The following AK5 variants were observed in gnomAD, a reference collection of about 807,000 sequenced individuals.
AK5 encodes the protein adenylate kinase isoenzyme 5.
A neutral mutation model predicts 69.5 loss-of-function variants in AK5; 27 were observed. The ratio of observed to expected loss-of-function variants is 0.39; its 90% confidence interval spans 0.29 to 0.54. The LOEUF (loss-of-function observed/expected upper bound fraction) is 0.54. Among genes scored for constraint, AK5 ranks in the 20% least tolerant of loss-of-function variants. The probability of loss-of-function intolerance (pLI) is 0.71; values close to 1 mark genes in which losing one functional copy is unlikely to be tolerated. For synonymous variants in AK5, 260 were observed against 244.4 expected (o/e 1.06, Z -0.60); for missense variants, 531 against 700.4 (o/e 0.76, Z 2.73).
At chr1:77,367,599 A>ATATTTATGTT (rs756398279) in intron 6 of AK5, among the ~76,000 whole-genome samples, 1 of 63,130 alleles carries the variant, frequency 1.6e-5, no homozygotes. Context: ...TTATATATGT[A>ATATTTATGTT]ATATATATGT....
intron 8 of AK5, among the ~76,000 whole-genome samples, chr1:77,418,666 TTTC>T (rs1232770018): frequency 6.6e-6 from 1 of 152,180 alleles, no homozygotes; most frequent in Non-Finnish European, 1.5e-5. Context: ...TGTCCAAAAC[TTTC>T]TTCCGCCTCT....
chr1:77,385,903 G>A (rs1647992309), intron 6 of AK5, among the ~76,000 whole-genome samples: 1 of 152,126 alleles, frequency 6.6e-6, no homozygotes, highest in Admixed American at 6.5e-5. Flanking sequence ...AGAAATAGCA[G>A]TCAAATATAT....
chr1:77,310,801 T>C (rs1659906647), intron 5 of AK5, among the ~76,000 whole-genome samples: 1 of 152,158 alleles, frequency 6.6e-6, no homozygotes, highest in Non-Finnish European at 1.5e-5. Context: ...ATTATGTATA[T>C]AGATTAATTT....
intron 10 of AK5, among the ~76,000 whole-genome samples, chr1:77,508,993 A>C (rs1019166162): frequency 1.3e-5 from 2 of 152,228 alleles, no homozygotes; most frequent in African/African-American, 4.8e-5. Flanking sequence ...CACTCATTTA[A>C]TTCAGCTTCT....
At chr1:77,534,822 G>A (rs778182045) in intron 12 of AK5, among the ~76,000 whole-genome samples, 36 of 152,248 alleles carry the variant, frequency 2.4e-4, no homozygotes, top group Non-Finnish European at 4.6e-4. Context: ...GCATCAGAGC[G>A]AGACCCCATC....
intron 10 of AK5, among the ~76,000 whole-genome samples, chr1:77,515,625 G>T (rs1447415143): frequency 1.3e-5 from 2 of 152,200 alleles, no homozygotes; most frequent in Non-Finnish European, 2.9e-5. Context: ...GAGTAAGACA[G>T]GCAGGGAGCA....
chr1:77,464,167 G>C (rs1031551591), intron 8 of AK5, among the ~76,000 whole-genome samples: 1 of 152,186 alleles, frequency 6.6e-6, no homozygotes, highest in African/African-American at 2.4e-5. Context: ...AATTTGAATG[G>C]TAAGACAGTT....
chr1:77,358,650 T>C (rs1371746353), intron 6 of AK5, among the ~76,000 whole-genome samples: 1 of 152,168 alleles, frequency 6.6e-6, no homozygotes, highest in African/African-American at 2.4e-5. Context: ...AATTTTGTCT[T>C]AATTACTTAA....
intron 10 of AK5, among the ~76,000 whole-genome samples, chr1:77,506,620 A>G (rs963186942): frequency 6.6e-5 from 10 of 152,170 alleles, no homozygotes; most frequent in Non-Finnish European, 1.3e-4. Context: ...CGCTGTGGCT[A>G]TGGTGGGTGT....
chr1:77,448,299 G>T (rs1161876221), intron 8 of AK5, among the ~76,000 whole-genome samples: 2 of 152,136 alleles, frequency 1.3e-5, no homozygotes, highest in Non-Finnish European at 2.9e-5. Context: ...CAATCAGCAT[G>T]CCCTTCTTCC....
chr1:77,331,746 T>C (rs1043571584), intron 5 of AK5, among the ~76,000 whole-genome samples: 2 of 152,152 alleles, frequency 1.3e-5, no homozygotes, highest in African/African-American at 4.8e-5. Context: ...AAATATTCCC[T>C]TTTTTTGGTA....
intron 6 of AK5, among the ~76,000 whole-genome samples, chr1:77,409,397 C>T (rs1408225649): frequency 6.6e-6 from 1 of 152,114 alleles, no homozygotes; most frequent in East Asian, 1.9e-4. Context: ...TCACTACCAT[C>T]TGTTATTTTT....
At chr1:77,288,353 C>G (rs2100644008) in intron 2 of AK5, among the ~76,000 whole-genome samples, 1 of 152,118 alleles carries the variant, frequency 6.6e-6, no homozygotes, top group South Asian at 2.1e-4. Flanking sequence ...TTCTAGTGGC[C>G]AAAATCATTA....
intron 5 of AK5, among the ~76,000 whole-genome samples, chr1:77,317,083 A>T (rs1345795334): frequency 6.6e-6 from 1 of 152,156 alleles, no homozygotes; most frequent in Admixed American, 6.5e-5. Context: ...ATCGCTTTTG[A>T]GGTTGCATTT....
At chr1:77,384,311 C>G (rs1344903833) in intron 6 of AK5, among the ~76,000 whole-genome samples, 2 of 152,128 alleles carry the variant, frequency 1.3e-5, no homozygotes, top group Admixed American at 6.5e-5. Flanking sequence ...AAGAATGTAA[C>G]AAAATCTTTC....
At chr1:77,510,283 CTG>C (rs1223724058) in intron 10 of AK5, among the ~76,000 whole-genome samples, 2 of 152,170 alleles carry the variant, frequency 1.3e-5, no homozygotes, top group African/African-American at 2.4e-5. Flanking sequence ...CGTGAGCAAA[CTG>C]TGTGTGCTAG....
rs183427887 is a variant in AK5 at position 77,512,565 on chromosome 1, G to C, written c.1148-5999G>C. 5.3e-4 allele frequency among the ~76,000 whole-genome samples: 81 copies of C among 152,200 alleles called. 1 individual carries two copies. The highest frequency in any genetic ancestry group is 3.4e-3 in the Middle Eastern group (1 of 294). ...TTTTTTTATTATACTTTAAGTTTTA[G>C]GGTACATGTGCTAGTTCAACCATTG... On this transcript the variant is annotated intron_variant, in intron 10 of 13. Transcript: ENST00000354567.
chr1:77,552,077 C>T (rs1223981267), intron 13 of AK5, among the ~76,000 whole-genome samples: 1 of 152,142 alleles, frequency 6.6e-6, no homozygotes, highest in Non-Finnish European at 1.5e-5. Flanking sequence ...AGCAAGATCC[C>T]CTACTCTGAA....
intron 8 of AK5, among the ~76,000 whole-genome samples, chr1:77,473,239 T>C (rs1654632585): frequency 6.6e-6 from 1 of 151,798 alleles, no homozygotes; most frequent in Admixed American, 6.6e-5. Context: ...TTGTTTTGTT[T>C]GAGACAGGGT....
Sources: gnomAD v4.1 joint callset for allele counts (sites outside exome capture counted in the v4.1 genomes callset) on GRCh38, gnomAD v4.1.1 for gene constraint, MANE v1.5 for transcripts, NCBI Gene and HGNC (gene_info 2026-07-23, HGNC 2026-07-21) for gene names.